The following ADAM23 variants were observed in gnomAD, a reference collection of about 807,000 sequenced individuals.
ADAM23 encodes ADAM metallopeptidase domain 23.
In ADAM23, 33 loss-of-function variants were observed where a neutral mutation model predicts 120.1. The ratio of observed to expected loss-of-function variants is 0.27; its 90% CI spans 0.21 to 0.37. ADAM23 has a LOEUF of 0.37. ADAM23 is among the 10% of genes least tolerant of loss of function. The pLI is 1.00. For missense variants in ADAM23, 862 were observed against 1,058.2 expected, an observed-to-expected ratio of 0.81 and a Z score of 2.57; for synonymous variants, 367 against 375.2, an observed-to-expected ratio of 0.98 and a Z score of 0.25.
chr2:206,539,973 A>G (rs939023536), intron 4 of ADAM23, among the ~76,000 whole-genome samples: 3 of 152,164 alleles, frequency 2.0e-5, no homozygotes, highest in Non-Finnish European at 4.4e-5. Flanking sequence ...TATGATGATA[A>G]ACATCAGAGA....
chr2:206,555,679 C>A (rs1697628461), intron 9 of ADAM23, among the ~76,000 whole-genome samples: 3 of 152,096 alleles, frequency 2.0e-5, no homozygotes, highest in Admixed American at 2.0e-4. Context: ...TAAAACTTGT[C>A]ATGTTTTCCG....
rs1030312911 is a variant in ADAM23, at chr2:206,449,287, G to A, written c.432+3763G>A. Among the ~76,000 whole-genome samples, 4 of 152,236 alleles carry A rather than the reference G, an allele frequency of 2.6e-5. 1 individual carries two copies. In the South Asian group the frequency reaches 8.3e-4, roughly 32 times the overall value. On this transcript the variant is annotated intron_variant, in intron 2 of 25. Transcript: ENST00000264377. ...TTCACTTGTGGAGACTTTTATGGGC[G>A]TAAATGGAATTGTATGATTACTAAA...
chr2:206,444,055 C>G lies in ADAM23; in HGVS notation c.189C>G (p.Arg63=). The G allele has an allele frequency of 7.2e-7, 1 of 1,395,034 alleles. No homozygotes were observed. The highest frequency in any genetic ancestry group is 9.3e-7 in the Non-Finnish European group (1 of 1,071,190). The allele number at this position is 1,395,034 out of a possible 1,614,324, so 86.4% of individuals were successfully genotyped here. The change falls in exon 1 of 26, where the codon CGC becomes CGG. Residue 63 remains arginine (R), a synonymous_variant. Transcript: ENST00000264377. The stretch of plus-strand genomic sequence containing the variant: ...CGCTCGCCGCCTCGTCCCGGCCCCG[C>G]GCCTGGGGGGCTGCTGCGCCCAGCG... ...LPPLAASSRP[R]AWGAAAPSAP...
At chr2:206,573,665 A>G (rs1157656829) in intron 18 of ADAM23, among the ~76,000 whole-genome samples, 1 of 152,158 alleles carries the variant, frequency 6.6e-6, no homozygotes, top group Non-Finnish European at 1.5e-5. Flanking sequence ...CATTGAAAAA[A>G]TAATATGTTC....
In ADAM23 at chr2:206,474,443, A is replaced by G. The variant is rs537151414; in HGVS notation, c.433-6789A>G. 2.0e-5 allele frequency among the ~76,000 whole-genome samples: 3 copies of G among 152,234 alleles called. No individual in the cohort carries two copies. In the South Asian group the frequency reaches 6.2e-4, roughly 32 times the overall value. ...TGGTGGCTAACTATCCTGGGAGGGA[A>G]CTTTAGGGTGGGGTTGATTGATACC... is the stretch of plus-strand genomic sequence containing the variant. On this transcript the variant is annotated intron_variant, in intron 2 of 25. Coordinates refer to ENST00000264377, the MANE Select transcript of ADAM23 (RefSeq NM_003812.4).
intron 3 of ADAM23, among the ~76,000 whole-genome samples, chr2:206,489,838 A>G (rs1696093953): frequency 6.6e-6 from 1 of 152,194 alleles, no homozygotes; most frequent in South Asian, 2.1e-4. Flanking sequence ...ATCTGTTCAC[A>G]TTAAGTGAGA....
chr2:206,518,808 T>C (rs530057861), intron 3 of ADAM23, among the ~76,000 whole-genome samples: 17 of 152,158 alleles, frequency 1.1e-4, no homozygotes, highest in Non-Finnish European at 2.1e-4. Context: ...TTACAGCATA[T>C]AGGCAATACG....
chr2:206,500,888 T>C (rs1486585863), intron 3 of ADAM23, among the ~76,000 whole-genome samples: 1 of 152,172 alleles, frequency 6.6e-6, no homozygotes, highest in African/African-American at 2.4e-5. Context: ...ACAGTTTTCT[T>C]ACTGTTGAAG....
At chr2:206,581,638 A>G (rs1698220299) in intron 18 of ADAM23, among the ~76,000 whole-genome samples, 2 of 152,168 alleles carry the variant, frequency 1.3e-5, no homozygotes, top group Admixed American at 6.5e-5. Context: ...TTTATGGCCT[A>G]TCATATGGTC....
chr2:206,541,274 T>C (rs1027194410), intron 4 of ADAM23, among the ~76,000 whole-genome samples: 2 of 152,030 alleles, frequency 1.3e-5, no homozygotes, highest in Non-Finnish European at 2.9e-5. Context: ...GAAAATACAA[T>C]AATTATAGTG....
intron 3 of ADAM23, among the ~76,000 whole-genome samples, chr2:206,526,208 A>G (rs990321105): frequency 6.6e-5 from 10 of 152,086 alleles, no homozygotes; most frequent in African/African-American, 2.4e-4. Context: ...GTCTATACAC[A>G]TACATATAAA....
At chr2:206,508,255 T>A (rs1223621651) in intron 3 of ADAM23, among the ~76,000 whole-genome samples, 4 of 152,208 alleles carry the variant, frequency 2.6e-5, no homozygotes, top group Non-Finnish European at 4.4e-5. Flanking sequence ...GGTCTTGATC[T>A]GACCTCGTGA....
chr2:206,600,068 G>A (rs1227101858), intron 24 of ADAM23, among the ~76,000 whole-genome samples: 3 of 152,156 alleles, frequency 2.0e-5, no homozygotes, highest in Admixed American at 6.5e-5. Context: ...TGGGCGTGGT[G>A]GCAGGCACCT....
chr2:206,600,143 A>G (rs1429873748), intron 24 of ADAM23, among the ~76,000 whole-genome samples: 1 of 152,194 alleles, frequency 6.6e-6, no homozygotes, highest in African/African-American at 2.4e-5. Flanking sequence ...CAGAGCTTGC[A>G]GTGAGCTGAG....
chr2:206,497,101 G>C (rs1696268533), intron 3 of ADAM23, among the ~76,000 whole-genome samples: 3 of 152,288 alleles, frequency 2.0e-5, no homozygotes, highest in African/African-American at 7.2e-5. Flanking sequence ...CATTCCTTCT[G>C]AAACTATTCC....
chr2:206,515,178 A>C (rs184803634), intron 3 of ADAM23, among the ~76,000 whole-genome samples: 1 of 152,272 alleles, frequency 6.6e-6, no homozygotes, highest in Non-Finnish European at 1.5e-5. Context: ...TTACAGTAGG[A>C]GAATATGGGA....
chr2:206,502,005 T>G (rs1696397549), intron 3 of ADAM23, among the ~76,000 whole-genome samples: 1 of 152,178 alleles, frequency 6.6e-6, no homozygotes, highest in Admixed American at 6.6e-5. Context: ...AAATTAAATT[T>G]GATGCCAAAA....
chr2:206,541,978 T>C, intron 4 of ADAM23, 74 bp from the exon 5 acceptor site: 1 of 1,459,094 alleles, frequency 6.9e-7, no homozygotes, highest in Non-Finnish European at 9.6e-7. Flanking sequence ...GCATTTCTTT[T>C]TGCTTTATGG....
At position 206,473,599 on chromosome 2, in the gene ADAM23, T is replaced by TAATAATAATAATAAC. The variant is rs545339986; in HGVS notation, c.433-7631_433-7630insTAATAATAATAACAA. Among the ~76,000 whole-genome samples the TAATAATAATAATAAC allele has an allele frequency of 1.6e-3, 236 of 148,524 alleles. 1 individual carries two copies. Among genetic ancestry groups the TAATAATAATAATAAC allele is most frequent in the Non-Finnish European group, 7.9e-4 (53 of 67,392 alleles). On this transcript the variant is annotated intron_variant, in intron 2 of 25. Coordinates refer to ENST00000264377, the MANE Select transcript of ADAM23 (RefSeq NM_003812.4). ...ATAATAATAATAATAATAATAATAA[T>TAATAATAATAATAAC]AACAACAACAACAACAACAATAACG...
Sources: gnomAD v4.1 joint callset for allele counts (sites outside exome capture counted in the v4.1 genomes callset) on GRCh38, gnomAD v4.1.1 for gene constraint, MANE v1.5 for transcripts, NCBI Gene and HGNC (gene_info 2026-07-23, HGNC 2026-07-21) for gene names.